The following KIAA1958 variants were observed in gnomAD, a reference collection of about 807,000 sequenced individuals.
KIAA1958 encodes the protein uncharacterized protein KIAA1958.
KIAA1958 carries 14 observed loss-of-function variants against 47.2 expected under a neutral mutation model. The observed-to-expected ratio is 0.30, with a 90% confidence interval of 0.20 to 0.46. The LOEUF (loss-of-function observed/expected upper bound fraction) is 0.46, where lower values mean the gene tolerates loss of function less well. Among genes scored for constraint, KIAA1958 ranks in the 20% least tolerant of loss-of-function variants. The pLI, the probability that KIAA1958 is intolerant of heterozygous loss-of-function variation, is 1.00. For synonymous variants in KIAA1958, 354 were observed against 353.3 expected (o/e 1.00, Z -0.02); for missense variants, 803 against 909.2 (o/e 0.88, Z 1.50).
intron 2 of KIAA1958, among the ~76,000 whole-genome samples, chr9:112,614,776 G>C (rs548735879): frequency 1.3e-5 from 2 of 152,334 alleles, no homozygotes; most frequent in Admixed American, 1.3e-4. Context: ...CTTGGCTGAA[G>C]ATGAGTTGAA....
chr9:112,489,294 A>G lies in KIAA1958; in HGVS notation c.-25+2176A>G, dbSNP rs977468128. Among the ~76,000 whole-genome samples, 51 of 152,242 alleles carry G rather than the reference A, an allele frequency of 3.3e-4. 1 individual carries two copies. The highest frequency in any genetic ancestry group is 3.3e-3 in the Admixed American group (51 of 15,280). ...TGAATTGCTTGTTTATATATTTACAAGGCTGTCAGTGGTAGTGATAAGATT... is the reference window on the plus strand; with the variant it reads ...TGAATTGCTTGTTTATATATTTACAGGGCTGTCAGTGGTAGTGATAAGATT... On this transcript the variant is annotated intron_variant, in intron 1 of 3. Coordinates refer to ENST00000337530, the MANE Select transcript of KIAA1958 (RefSeq NM_133465.4).
chr9:112,516,311 A>C (rs1056548479), intron 1 of KIAA1958, among the ~76,000 whole-genome samples: 2 of 151,838 alleles, frequency 1.3e-5, no homozygotes, highest in Admixed American at 6.6e-5. Context: ...ATTTCTATAT[A>C]TTAGCAACAA....
chr9:112,642,359 C>T (rs746276832), intron 2 of KIAA1958, among the ~76,000 whole-genome samples: 2 of 152,234 alleles, frequency 1.3e-5, no homozygotes, highest in Non-Finnish European at 2.9e-5. Context: ...GAGATGGCAG[C>T]GTTCAGGGAT....
intron 2 of KIAA1958, among the ~76,000 whole-genome samples, chr9:112,594,907 T>C (rs1490425116): frequency 1.3e-5 from 2 of 152,250 alleles, no homozygotes; most frequent in Non-Finnish European, 2.9e-5. Flanking sequence ...TATCTGACTT[T>C]TGATTATAGG....
rs529265792 is a variant in KIAA1958, at chr9:112,529,303, T to C, written c.-25+42185T>C. On this transcript the variant is annotated intron_variant, in intron 1 of 3. Coordinates refer to ENST00000337530, the MANE Select transcript of KIAA1958 (RefSeq NM_133465.4). The stretch of plus-strand genomic sequence containing the variant: ...TTCAGAGAGTTCCCATATCTTACAT[T>C]TGTGTGGTACATCTGTTATAATTAA... Among the ~76,000 whole-genome samples the C allele has an allele frequency of 2.0e-5, 3 of 152,352 alleles. No individual in the cohort carries two copies. In the East Asian group the frequency reaches 5.8e-4, roughly 29 times the overall value.
intron 3 of KIAA1958, among the ~76,000 whole-genome samples, chr9:112,650,073 C>T (rs1291347995): frequency 2.0e-5 from 3 of 151,854 alleles, no homozygotes; most frequent in Admixed American, 2.0e-4. Context: ...AAAAAACTCT[C>T]ATTAGAAACT....
intron 1 of KIAA1958, among the ~76,000 whole-genome samples, chr9:112,561,289 C>T (rs184189208): frequency 1.0e-3 from 157 of 152,066 alleles, no homozygotes; most frequent in Non-Finnish European, 1.8e-3. Context: ...CTCCTGACCT[C>T]GCGATCTGCC....
rs1836966163 is a variant in KIAA1958, at chr9:112,645,834, T to C, written c.1344+12T>C. The stretch of plus-strand genomic sequence containing the variant: ...CAGACATCACCAAGGTAAGGGACTC[T>C]TGAGTTTACTTCTTTCAGCCAACTT... On this transcript the variant is annotated intron_variant, in intron 3 of 3. Transcript: ENST00000337530. 1 of 1,607,914 alleles carries C rather than the reference T, an allele frequency of 6.2e-7. No homozygotes were observed. The highest frequency in any genetic ancestry group is 1.1e-5 in the South Asian group (1 of 90,186).
At chr9:112,537,652 A>C (rs989848879) in intron 1 of KIAA1958, among the ~76,000 whole-genome samples, 4 of 152,228 alleles carry the variant, frequency 2.6e-5, no homozygotes, top group African/African-American at 9.6e-5. Context: ...TGCAAGGTTG[A>C]CAAAGATATG....
At chr9:112,608,848 G>T (rs1302467454) in intron 2 of KIAA1958, among the ~76,000 whole-genome samples, 2 of 152,114 alleles carry the variant, frequency 1.3e-5, no homozygotes, top group Admixed American at 1.3e-4. Flanking sequence ...AGGCCAGCCT[G>T]GGCAATGTAG....
At chr9:112,503,927 A>T (rs1587991525) in intron 1 of KIAA1958, among the ~76,000 whole-genome samples, 1 of 5,886 alleles carries the variant, frequency 1.7e-4, no homozygotes, top group Non-Finnish European at 3.1e-4. Context: ...GTTATAAATT[A>T]TATATATATA....
Position 112,591,800 on chromosome 9 carries a change from G to A in KIAA1958, c.1171+16549G>A, listed in dbSNP as rs114312245. On this transcript the variant is annotated intron_variant, in intron 2 of 3. Coordinates refer to ENST00000337530, the MANE Select transcript of KIAA1958 (RefSeq NM_133465.4). The stretch of plus-strand genomic sequence containing the variant: ...CCTAGCTTCTTTGGAGGCTGAGGTG[G>A]GAATGTTATATATAAAGTTACGGTG... 2.8e-3 allele frequency among the ~76,000 whole-genome samples: 430 copies of A among 152,204 alleles called. 2 individuals are homozygous for A. The highest frequency in any genetic ancestry group is 9.8e-3 in the African/African-American group (405 of 41,512).
chr9:112,596,630 T>C (rs184210699), intron 2 of KIAA1958, among the ~76,000 whole-genome samples: 71 of 152,334 alleles, frequency 4.7e-4, no homozygotes, highest in Non-Finnish European at 8.7e-4. Flanking sequence ...GTGTTGCTAT[T>C]GTCCACTGAC....
chr9:112,658,959 G>A (rs1837206142), intron 3 of KIAA1958, among the ~76,000 whole-genome samples: 2 of 141,730 alleles, frequency 1.4e-5, no homozygotes, highest in East Asian at 2.1e-4. Flanking sequence ...GGCGGAGCTT[G>A]CAGTGAGCCG....
intron 1 of KIAA1958, among the ~76,000 whole-genome samples, chr9:112,557,543 A>G (rs892637436): frequency 6.6e-6 from 1 of 152,230 alleles, no homozygotes; most frequent in African/African-American, 2.4e-5. Flanking sequence ...AATTAGGGAA[A>G]CATTAGGGTA....
intron 3 of KIAA1958, among the ~76,000 whole-genome samples, chr9:112,656,489 C>G (rs1274287101): frequency 6.6e-6 from 1 of 151,960 alleles, no homozygotes; most frequent in Non-Finnish European, 1.5e-5. Context: ...GAGCCATGCC[C>G]TCGCTGTGGG....
intron 1 of KIAA1958, among the ~76,000 whole-genome samples, chr9:112,560,061 G>C (rs749770512): frequency 4.0e-5 from 6 of 151,868 alleles, no homozygotes; most frequent in Admixed American, 1.3e-4. Flanking sequence ...ATTTTAGGTA[G>C]CTGCACTGAT....
rs1295940128 is a variant in KIAA1958 at position 112,663,880 on chromosome 9, C to G, written c.*3811C>G. 1 of 152,220 alleles carries G rather than the reference C, an allele frequency of 6.6e-6. No individual in the cohort carries two copies. The highest frequency in any genetic ancestry group is 2.4e-5 in the African/African-American group (1 of 41,454). The allele number at this position is 152,220 out of a possible 1,614,324, so 9.4% of individuals were successfully genotyped here. A position where few individuals can be genotyped will look rare whatever the true frequency, so the allele number is the denominator to read the frequency against. On this transcript the variant is annotated 3_prime_UTR_variant, in exon 4 of 4. Coordinates refer to ENST00000337530, the MANE Select transcript of KIAA1958 (RefSeq NM_133465.4). ...AAAGCATCAAGCATTATATGCCACA[C>G]TCAGCATTTTCATAGACATAGTCAT...
intron 1 of KIAA1958, among the ~76,000 whole-genome samples, chr9:112,551,685 T>A (rs1180815261): frequency 6.6e-6 from 1 of 152,170 alleles, no homozygotes. Flanking sequence ...AAGAGAGGGA[T>A]GTTTTTGCAG....
Sources: allele counts gnomAD v4.1 joint callset (sites outside exome capture counted in the v4.1 genomes callset), GRCh38; gene constraint gnomAD v4.1.1; transcripts MANE v1.5; gene names NCBI Gene and HGNC (gene_info 2026-07-23, HGNC 2026-07-21).